The following CTNNA3 variants were observed in gnomAD, a reference collection of about 807,000 sequenced individuals.
CTNNA3 encodes catenin alpha-3.
In CTNNA3, 76 loss-of-function variants were observed where a neutral mutation model predicts 95.7. The observed-to-expected ratio is 0.79, with a 90% CI of 0.66 to 0.96. The LOEUF is 0.96. Ranked by LOEUF, CTNNA3 falls within the 40% of genes least tolerant of loss-of-function variation. The pLI, the probability that CTNNA3 is intolerant of heterozygous loss-of-function variation, is 0.00. For missense variants in CTNNA3, 1,191 were observed against 1,089.8 expected (o/e 1.09, Z -1.31); for synonymous variants, 431 against 374.4 (o/e 1.15, Z -1.74).
chr10:66,140,031 G>A (rs1314599915), intron 13 of CTNNA3, among the ~76,000 whole-genome samples: 1 of 152,168 alleles, frequency 6.6e-6, no homozygotes, highest in Non-Finnish European at 1.5e-5. Flanking sequence ...TGTCTGGCAT[G>A]TTGCATAGCA....
chr10:65,933,885 C>G (rs149617349), intron 17 of CTNNA3, among the ~76,000 whole-genome samples: 1 of 152,088 alleles, frequency 6.6e-6, no homozygotes, highest in Non-Finnish European at 1.5e-5. Flanking sequence ...GACCCAGTCC[C>G]GACCAGCTGG....
At chr10:66,548,144 G>A (rs1021032375) in intron 10 of CTNNA3, among the ~76,000 whole-genome samples, 10 of 151,718 alleles carry the variant, frequency 6.6e-5, no homozygotes, top group African/African-American at 1.9e-4. Context: ...CTCAAACTCC[G>A]AACCTCAGGT....
chr10:67,529,985 T>G (rs1288873415), intron 4 of CTNNA3, among the ~76,000 whole-genome samples: 3 of 152,156 alleles, frequency 2.0e-5, no homozygotes, highest in Non-Finnish European at 4.4e-5. Context: ...GATGGGAGTT[T>G]CCCTACACAA....
chr10:66,650,984 A>G (rs1462738137), intron 9 of CTNNA3, among the ~76,000 whole-genome samples: 1 of 152,068 alleles, frequency 6.6e-6, no homozygotes, highest in African/African-American at 2.4e-5. Flanking sequence ...CCCCACCCAC[A>G]TCCTGTTGAT....
intron 1 of CTNNA3, among the ~76,000 whole-genome samples, chr10:67,653,440 T>C (rs1839933554): frequency 6.6e-6 from 1 of 152,178 alleles, no homozygotes; most frequent in African/African-American, 2.4e-5. Context: ...TTTGTACCCC[T>C]ACACAGATAC....
chr10:67,683,547 G>T (rs146870255), intron 1 of CTNNA3, among the ~76,000 whole-genome samples: 1 of 152,124 alleles, frequency 6.6e-6, no homozygotes, highest in Middle Eastern at 3.2e-3. Flanking sequence ...CACCCCTAGA[G>T]GCCTCATCAA....
intron 7 of CTNNA3, among the ~76,000 whole-genome samples, chr10:66,799,280 C>T (rs1453373749): frequency 6.6e-6 from 1 of 151,338 alleles, no homozygotes; most frequent in Non-Finnish European, 1.5e-5. Flanking sequence ...TACATATAGG[C>T]CCAGACATTT....
At chr10:66,791,231 A>C (rs1840953377) in intron 7 of CTNNA3, among the ~76,000 whole-genome samples, 1 of 152,180 alleles carries the variant, frequency 6.6e-6, no homozygotes, top group Non-Finnish European at 1.5e-5. Context: ...AGGATTTTAA[A>C]CAGGGAGTCA....
intron 13 of CTNNA3, among the ~76,000 whole-genome samples, chr10:66,213,211 T>G (rs1254710224): frequency 1.3e-5 from 2 of 152,196 alleles, no homozygotes; most frequent in Admixed American, 1.3e-4. Flanking sequence ...CATAGGATAT[T>G]GAGATTACAT....
At chr10:66,484,635 G>A (rs1040693100) in intron 11 of CTNNA3, among the ~76,000 whole-genome samples, 2 of 151,886 alleles carry the variant, frequency 1.3e-5, no homozygotes, top group African/African-American at 4.8e-5. Flanking sequence ...TAAAACCTGA[G>A]TGATAGTGAC....
chr10:66,835,171 T>C (rs1366038875), intron 7 of CTNNA3, among the ~76,000 whole-genome samples: 1 of 151,780 alleles, frequency 6.6e-6, no homozygotes, highest in African/African-American at 2.4e-5. Context: ...TTAAAAATCA[T>C]GCCCTATATG....
rs138898058 is a variant in CTNNA3 at position 67,223,991 on chromosome 10, T to A, written c.580-4121A>T. Among the ~76,000 whole-genome samples the A allele has an allele frequency of 2.7e-3, 405 of 152,152 alleles. 6 individuals carry two copies. The highest frequency in any genetic ancestry group is 0.023 in the Admixed American group (354 of 15,274). On this transcript the variant is annotated intron_variant, in intron 5 of 17. Transcript: ENST00000433211. The stretch of plus-strand genomic sequence containing the variant: ...ATAAAAATTGTGTAGATTCAAGGTG[T>A]ACTATATGATGCTTTCATATACATA...
chr10:67,274,774 G>GC (rs373630820), intron 5 of CTNNA3, among the ~76,000 whole-genome samples: 1 of 152,182 alleles, frequency 6.6e-6, no homozygotes, highest in African/African-American at 2.4e-5. Flanking sequence ...GCCACAGTGA[G>GC]CCATGATCAT....
intron 11 of CTNNA3, among the ~76,000 whole-genome samples, chr10:66,418,169 C>T (rs1485797390): frequency 7.2e-6 from 1 of 138,610 alleles, no homozygotes; most frequent in Non-Finnish European, 1.6e-5. Context: ...CCCAAATAAA[C>T]TCAGAAATAA....
chr10:66,452,893 G>C (rs1395325037), intron 11 of CTNNA3, among the ~76,000 whole-genome samples: 1 of 151,830 alleles, frequency 6.6e-6, no homozygotes, highest in African/African-American at 2.4e-5. Context: ...CCATCCCCTA[G>C]CCCTGTGTCT....
chr10:66,462,402 A>G (rs1050089710), intron 11 of CTNNA3, among the ~76,000 whole-genome samples: 3 of 151,910 alleles, frequency 2.0e-5, no homozygotes, highest in Admixed American at 6.6e-5. Context: ...ACCTTTTTTT[A>G]TTCTTAGTGT....
chr10:66,443,730 A>T (rs1047033764), intron 11 of CTNNA3, among the ~76,000 whole-genome samples: 4 of 152,094 alleles, frequency 2.6e-5, no homozygotes, highest in Admixed American at 2.0e-4. Context: ...GGGAAAAAAC[A>T]GAGCAGAAAA....
intron 9 of CTNNA3, among the ~76,000 whole-genome samples, chr10:66,659,098 T>G (rs572367999): frequency 6.6e-6 from 1 of 152,128 alleles, no homozygotes; most frequent in South Asian, 2.1e-4. Context: ...TTCTAAGAAC[T>G]GGGACTATAT....
chr10:66,935,126 C>T (rs567414760), intron 7 of CTNNA3, among the ~76,000 whole-genome samples: 2 of 152,168 alleles, frequency 1.3e-5, no homozygotes, highest in East Asian at 3.9e-4. Context: ...CAACAGAGCC[C>T]TCATATTGAC....
Sources: gnomAD v4.1 joint callset for allele counts (sites outside exome capture counted in the v4.1 genomes callset) on GRCh38, gnomAD v4.1.1 for gene constraint, MANE v1.5 for transcripts, NCBI Gene and HGNC (gene_info 2026-07-23, HGNC 2026-07-21) for gene names.